The following SLC2A7 variants were observed in gnomAD, a reference collection of about 807,000 sequenced individuals.
The protein encoded by SLC2A7 is solute carrier family 2, facilitated glucose transporter member 7.
A neutral mutation model predicts 50.5 loss-of-function variants in SLC2A7; 50 were observed. That is an observed-to-expected ratio of 0.99 (90% CI 0.79 to 1.25). The LOEUF is 1.25. SLC2A7 is among the 50% of genes most tolerant of loss of function. The pLI is 0.00. For synonymous variants in SLC2A7, 308 were observed against 300.4 expected (o/e 1.03, Z -0.26); for missense variants, 683 against 679.1 (o/e 1.01, Z -0.06).
At chr1:8,997,515 C>T in the SLC2A7 span, among the ~76,000 whole-genome samples, 1 of 152,104 alleles carries the variant, frequency 6.6e-6, no homozygotes, top group African/African-American at 2.4e-5. Context: ...ATTCTCCTAC[C>T]TCAGCCTCCC....
the SLC2A7 span, among the ~76,000 whole-genome samples, chr1:8,992,814 A>G: frequency 6.6e-6 from 1 of 152,026 alleles, no homozygotes; most frequent in Non-Finnish European, 1.5e-5. Flanking sequence ...CCCTCAGGTG[A>G]CCAATCCCCT....
At position 9,010,377 on chromosome 1, in the gene SLC2A7, A is replaced by T. The variant is rs908466103; in HGVS notation, c.1015-133T>A. On this transcript the variant is annotated intron_variant, in intron 8 of 11. Transcript: ENST00000400906. ...CTTTTGTCTTTCTTTCTTTTTTTTT[A>T]AACGGAGTTTTGCTCTTGCTGCCCA... The T allele has an allele frequency of 5.2e-5, 37 of 709,206 alleles. No homozygotes were observed. In the South Asian group the frequency reaches 5.9e-4, roughly 11 times the overall value. The allele number at this position is 709,206 out of a possible 1,614,324, so 43.9% of individuals were successfully genotyped here. A position where few individuals can be genotyped will look rare whatever the true frequency, so the allele number is the denominator to read the frequency against.
chr1:9,007,338 G>C lies in SLC2A7; in HGVS notation c.1164C>G (p.Ala388=), dbSNP rs563172788. ...GCCCAATGGAATGTCCCGCGATGTAGGCAAAGACACAGATGATGCCGAGGT... is the reference window on the plus strand; with the variant it reads ...GCCCAATGGAATGTCCCGCGATGTACGCAAAGACACAGATGATGCCGAGGT... ...LSYLGIICVF[A]YIAGHSIGPS... The change falls in exon 10 of 12, where the codon GCC becomes GCG. Residue 388 remains alanine, a synonymous_variant. Transcript: ENST00000400906. 2.5e-6 allele frequency: 4 copies of C among 1,614,246 alleles called. No homozygotes were observed. In the African/African-American group the frequency reaches 5.3e-5, roughly 22 times the overall value.
At chr1:9,009,645 A>G (rs1412807865) in intron 9 of SLC2A7, among the ~76,000 whole-genome samples, 2 of 152,028 alleles carry the variant, frequency 1.3e-5, no homozygotes, top group Non-Finnish European at 2.9e-5. Flanking sequence ...TTTTGTAGAG[A>G]TGGGGTCTCA....
downstream of SLC2A7, among the ~76,000 whole-genome samples, chr1:9,001,979 G>A (rs112336832): frequency 1.3e-5 from 2 of 152,228 alleles, no homozygotes; most frequent in African/African-American, 4.8e-5. Context: ...AGAAACATGT[G>A]CTGTGTTGAC....
At chr1:9,011,848 C>A (rs558361847) in intron 8 of SLC2A7, among the ~76,000 whole-genome samples, 2 of 148,172 alleles carry the variant, frequency 1.3e-5, no homozygotes, top group Non-Finnish European at 3.0e-5. Context: ...CTCCCGGGTA[C>A]AAGCAATTCT....
chr1:9,010,160 C>G lies in SLC2A7; in HGVS notation c.1099G>C (p.Val367Leu), dbSNP rs1640724580. 6.4e-7 allele frequency: 1 copy of G among 1,552,628 alleles called. No individual in the cohort carries two copies. The highest frequency in any genetic ancestry group is 2.4e-5 in the East Asian group (1 of 40,974). ...ICGSACLVLTVVLLFQNRVPE... is the reference protein window; with the variant it reads ...ICGSACLVLTLVLLFQNRVPE... ...GGTCAGACCTGGAATAGGAGCACCA[C>G]CGTCAGCACCAGGCAGGCAGAGCCG... is the stretch of plus-strand genomic sequence containing the variant. Residue 367 changes from valine to leucine, a missense_variant, in exon 9 of 12, where the codon GTG (valine) becomes CTG (leucine). By Grantham distance (32) the Val-to-Leu change is conservative. Transcript: ENST00000400906.
intron 3 of SLC2A7, 116 bp downstream of exon 3, chr1:9,022,802 C>T (rs1461187536): frequency 1.2e-5 from 17 of 1,385,842 alleles, no homozygotes; most frequent in Non-Finnish European, 1.5e-5. Flanking sequence ...GGAGACTAGA[C>T]TTCAGATCTC....
At position 9,018,354 on chromosome 1, in the gene SLC2A7, G is replaced by C; in HGVS notation, c.458C>G (p.Pro153Arg). 2 of 1,613,526 alleles carry C rather than the reference G, an allele frequency of 1.2e-6. No homozygotes were observed. Among genetic ancestry groups the C allele is most frequent in the Non-Finnish European group, 1.7e-6 (2 of 1,180,038 alleles). ...VCAGISYSAL[P>R]MYLGELAPKN... is the part of the protein sequence containing the mutation. ...GGGGGCCAGTTCTCCCAGGTACATGGGAAGGGCGCTGTAGGAGATGCCTGG... is the reference window on the plus strand; with the variant it reads ...GGGGGCCAGTTCTCCCAGGTACATGCGAAGGGCGCTGTAGGAGATGCCTGG... The change falls in exon 5 of 12, where the codon CCC becomes CGC. Residue 153 changes from proline (P) to arginine (R), a missense_variant. Coordinates refer to ENST00000400906, the MANE Select transcript of SLC2A7 (RefSeq NM_207420.3).
chr1:9,012,125 T>TTGACTCATGTTAGC, intron 8 of SLC2A7, among the ~76,000 whole-genome samples: 1 of 152,158 alleles, frequency 6.6e-6, no homozygotes, highest in Non-Finnish European at 1.5e-5. Flanking sequence ...GTACAGCCCC[T>TTGACTCATGTTAGC]TGACTCATGT....
intron 3 of SLC2A7, among the ~76,000 whole-genome samples, chr1:9,021,764 C>T (rs547869530): frequency 6.6e-6 from 1 of 152,326 alleles, no homozygotes; most frequent in South Asian, 2.1e-4. Context: ...GGACTCCCAG[C>T]CCTTCCTGAT....
intron 5 of SLC2A7, 86 bp downstream of exon 5, chr1:9,018,137 G>A (rs1640857241): frequency 3.8e-6 from 6 of 1,559,100 alleles, no homozygotes; most frequent in Admixed American, 1.7e-5. Flanking sequence ...CATCTCTCGG[G>A]TCTCATCTGA....
chr1:9,008,420 G>A lies in SLC2A7; in HGVS notation c.1117-1035C>T, dbSNP rs550139303. Among the ~76,000 whole-genome samples, 24 of 152,286 alleles carry A rather than the reference G, an allele frequency of 1.6e-4. No homozygotes were observed. Among genetic ancestry groups the A allele is most frequent in the East Asian group, 7.7e-4 (4 of 5,180 alleles). ...GGCCGCCCTGGACCCGGTGTGAAGC[G>A]AGCAGCTGCTGCTGCATTTTCAGGC... On this transcript the variant is annotated intron_variant, in intron 9 of 11. Transcript: ENST00000400906. The surrounding 1 kb of genome is among the most constrained non-coding windows in gnomAD (Gnocchi z 5.9).
intron 1 of SLC2A7, among the ~76,000 whole-genome samples, 175 bp downstream of exon 1, chr1:9,026,120 A>G (rs1354027580): frequency 1.3e-5 from 2 of 152,196 alleles, no homozygotes; most frequent in Non-Finnish European, 2.9e-5. Flanking sequence ...CTGAGCCATG[A>G]GGTTTGAGCA....
At chr1:8,999,883 T>C (rs913462460), downstream of SLC2A7, among the ~76,000 whole-genome samples, 20 of 152,224 alleles carry the variant, frequency 1.3e-4, no homozygotes, top group African/African-American at 4.8e-4. Context: ...ATGGGCCCAA[T>C]GGAGACTCTG....
chr1:8,993,371 G>T, the SLC2A7 span, among the ~76,000 whole-genome samples: 3 of 152,198 alleles, frequency 2.0e-5, no homozygotes, highest in African/African-American at 7.2e-5. Flanking sequence ...GGTAGCCTTT[G>T]AGCATTTGTA....
At chr1:9,001,665 G>A (rs973146234), downstream of SLC2A7, among the ~76,000 whole-genome samples, 1 of 151,934 alleles carries the variant, frequency 6.6e-6, no homozygotes, top group East Asian at 1.9e-4. Flanking sequence ...TGATCTACTC[G>A]CTTCAGCCTC....
chr1:8,996,869 G>A, the SLC2A7 span, among the ~76,000 whole-genome samples: 1 of 151,832 alleles, frequency 6.6e-6, no homozygotes, highest in Non-Finnish European at 1.5e-5. Context: ...TCTGCCTCCC[G>A]GGATCAAGCA....
At chr1:9,001,700 G>A (rs140576668), downstream of SLC2A7, among the ~76,000 whole-genome samples, 1 of 152,250 alleles carries the variant, frequency 6.6e-6, no homozygotes, top group African/African-American at 2.4e-5. Flanking sequence ...TTACAGGTGT[G>A]AGTCACCACG....
Sources: allele counts gnomAD v4.1 joint callset (sites outside exome capture counted in the v4.1 genomes callset), GRCh38; gene constraint gnomAD v4.1.1; non-coding constraint Gnocchi (gnomAD v3.1); transcripts MANE v1.5; gene names NCBI Gene and HGNC (gene_info 2026-07-23, HGNC 2026-07-21).